Variants in ABI2 observed in about 807,000 individuals in gnomAD.
ABI2 encodes the protein abl interactor 2.
ABI2 carries 25 observed loss-of-function variants against 59.2 expected under a neutral mutation model. That is an observed-to-expected ratio of 0.42 (90% CI 0.31 to 0.59). ABI2 has a LOEUF of 0.59. Ranked by LOEUF, ABI2 falls within the 20% of genes least tolerant of loss-of-function variation. The pLI is 0.14. For synonymous variants in ABI2, 213 were observed against 235.5 expected, an observed-to-expected ratio of 0.90 and a Z score of 0.87; for missense variants, 545 against 681.8, an observed-to-expected ratio of 0.80 and a Z score of 2.23.
At chr2:203,332,314 G>A (rs545541310) in intron 1 of ABI2, among the ~76,000 whole-genome samples, 2 of 151,616 alleles carry the variant, frequency 1.3e-5, no homozygotes, top group East Asian at 2.0e-4. Context: ...TAAGACCTGC[G>A]TTTTTCTTCA....
chr2:203,409,514 A>G (rs1257578188), intron 9 of ABI2, among the ~76,000 whole-genome samples: 1 of 152,196 alleles, frequency 6.6e-6, no homozygotes, highest in Non-Finnish European at 1.5e-5. Flanking sequence ...CTTTCCCAGT[A>G]CTACCTACCA....
At chr2:203,409,271 T>C (rs1418031942) in intron 9 of ABI2, among the ~76,000 whole-genome samples, 2 of 152,186 alleles carry the variant, frequency 1.3e-5, no homozygotes, top group African/African-American at 4.8e-5. Flanking sequence ...ATTATGACTT[T>C]AGGGAAAAAC....
rs150355781 is a variant in ABI2, at chr2:203,419,358, A to G, written c.1453+2277A>G. On this transcript the variant is annotated intron_variant, in intron 11 of 11. Coordinates refer to ENST00000261018, the MANE Select transcript of ABI2 (RefSeq NM_001375670.1). ...CATGATCCGCCCGCCTAGGCCTCCT[A>G]AAGTGCTGGGATTACAGGCGTGAGC... Among the ~76,000 whole-genome samples, 68 of 150,372 alleles carry G rather than the reference A, an allele frequency of 4.5e-4. 1 individual carries two copies. In the East Asian group the frequency reaches 0.013, roughly 28 times the overall value.
At position 203,328,479 on chromosome 2, in the gene ABI2, G is replaced by T; in HGVS notation, c.-36G>T. On this transcript the variant is annotated 5_prime_UTR_variant, in exon 1 of 12. Coordinates refer to ENST00000261018, the MANE Select transcript of ABI2 (RefSeq NM_001375670.1). The stretch of plus-strand genomic sequence containing the variant: ...GCGCTGCGGCCGCCGCTCCCTCTGC[G>T]ACCTGTATGAGGAGGAGGAGGAGGA... 1.3e-6 allele frequency: 2 copies of T among 1,534,204 alleles called. No individual in the cohort carries two copies. Among genetic ancestry groups the T allele is most frequent in the Middle Eastern group, 1.7e-4 (1 of 5,772 alleles).
chr2:203,341,711 A>G (rs1052614951), intron 1 of ABI2, among the ~76,000 whole-genome samples: 1 of 152,138 alleles, frequency 6.6e-6, no homozygotes, highest in Admixed American at 6.6e-5. Flanking sequence ...CTCCATCTCA[A>G]AAAAAAACAA....
intron 1 of ABI2, among the ~76,000 whole-genome samples, chr2:203,351,277 C>A (rs1320907862): frequency 1.3e-5 from 2 of 152,122 alleles, no homozygotes; most frequent in Non-Finnish European, 2.9e-5. Context: ...GACGTATCTT[C>A]TACCTTTGTT....
intron 6 of ABI2, among the ~76,000 whole-genome samples, 171 bp from the exon 7 acceptor site, chr2:203,395,485 A>ACAT (rs1553589685): frequency 8.2e-5 from 12 of 146,096 alleles, no homozygotes; most frequent in Non-Finnish European, 1.8e-4. Context: ...ACACACACAC[A>ACAT]TTTTTTTTTA....
intron 4 of ABI2, chr2:203,383,203 TACTA>T (rs1252028493): frequency 2.5e-4 from 38 of 154,932 alleles, no homozygotes; most frequent in South Asian, 2.0e-4. Context: ...CATTAACTAG[TACTA>T]ACTAAGGCCA....
At chr2:203,366,006 CT>C (rs1357161317) in intron 1 of ABI2, among the ~76,000 whole-genome samples, 1 of 151,878 alleles carries the variant, frequency 6.6e-6, no homozygotes, top group African/African-American at 2.4e-5. Context: ...AATTTTTTTA[CT>C]TTTTGTGTTT....
At chr2:203,420,019 T>C (rs533199362) in intron 11 of ABI2, among the ~76,000 whole-genome samples, 39 of 152,298 alleles carry the variant, frequency 2.6e-4, no homozygotes, top group Non-Finnish European at 4.1e-4. Flanking sequence ...ATGTTAGCTC[T>C]ATTGTAATTC....
chr2:203,342,079 TG>T, intron 1 of ABI2: 1 of 360,098 alleles, frequency 2.8e-6, no homozygotes, highest in Non-Finnish European at 5.5e-6. Flanking sequence ...ATTTTTTTTT[TG>T]CCTGTTATGT....
At chr2:203,352,580 T>C (rs1341769189) in intron 1 of ABI2, among the ~76,000 whole-genome samples, 3 of 149,378 alleles carry the variant, frequency 2.0e-5, no homozygotes, top group East Asian at 4.0e-4. Flanking sequence ...AAAAAAAAAA[T>C]AGAGAAAAGA....
chr2:203,338,983 A>AAATATATATATATATATATAAATATAT (rs2078182989), intron 1 of ABI2, among the ~76,000 whole-genome samples: 1 of 12,356 alleles, frequency 8.1e-5, no homozygotes, highest in East Asian at 2.9e-3. Flanking sequence ...TATATATATA[A>AAATATATATATATATATATAAATATAT]ATATATATAT....
At chr2:203,424,533 C>T (rs2098355139) in intron 11 of ABI2, among the ~76,000 whole-genome samples, 1 of 151,986 alleles carries the variant, frequency 6.6e-6, no homozygotes, top group African/African-American at 2.4e-5. Context: ...TAGCTGGGAC[C>T]ACAGACGTGC....
At chr2:203,406,448 A>G (rs141476588) in intron 9 of ABI2, among the ~76,000 whole-genome samples, 72 of 152,334 alleles carry the variant, frequency 4.7e-4, no homozygotes, top group African/African-American at 1.7e-3. Flanking sequence ...GCTGTTTCAC[A>G]AAGAGAAAGT....
rs866835243 is a variant in ABI2, at chr2:203,387,481, G to A, written c.481-3565G>A. Among the ~76,000 whole-genome samples the A allele has an allele frequency of 2.6e-5, 4 of 152,200 alleles. No homozygotes were observed. The South Asian group carries it at 8.3e-4, about 32-fold the overall frequency. On this transcript the variant is annotated intron_variant, in intron 4 of 11. Coordinates refer to ENST00000261018, the MANE Select transcript of ABI2 (RefSeq NM_001375670.1). ...TCCTTCATCATAGCCTATTGGGAAA[G>A]TGTTTGAGCTGTGGCCATGCATTAA...
At chr2:203,364,726 T>G (rs1164618434) in intron 1 of ABI2, among the ~76,000 whole-genome samples, 1 of 150,376 alleles carries the variant, frequency 6.6e-6, no homozygotes, top group Non-Finnish European at 1.5e-5. Flanking sequence ...CACATACATA[T>G]TTTTTTAATT....
chr2:203,426,618 A>T (rs1204925545), intron 11 of ABI2, among the ~76,000 whole-genome samples: 2 of 152,284 alleles, frequency 1.3e-5, no homozygotes, highest in Admixed American at 1.3e-4. Flanking sequence ...TCATTCATAC[A>T]TTTAACTTGG....
chr2:203,333,770 A>G (rs1474754683), intron 1 of ABI2, among the ~76,000 whole-genome samples: 1 of 152,060 alleles, frequency 6.6e-6, no homozygotes, highest in Non-Finnish European at 1.5e-5. Flanking sequence ...TACACTTCCT[A>G]CACCTTCTTG....
Sources: gnomAD v4.1 joint callset for allele counts (sites outside exome capture counted in the v4.1 genomes callset) on GRCh38, gnomAD v4.1.1 for gene constraint, MANE v1.5 for transcripts, NCBI Gene and HGNC (gene_info 2026-07-23, HGNC 2026-07-21) for gene names.